UMAD1: variants seen among roughly 807,000 people sequenced by gnomAD.
UMAD1 encodes UBAP1-MVB12-associated (UMA)-domain containing protein 1.
Under a neutral mutation model 6.1 loss-of-function variants are expected in UMAD1, and 8 were observed. That is an observed-to-expected ratio of 1.30 (90% confidence interval 0.76 to 2.35). The LOEUF (loss-of-function observed/expected upper bound fraction) is 2.35. Ranked by LOEUF, UMAD1 falls within the 30% of genes most tolerant of loss-of-function variation. UMAD1 has a pLI of 0.00. For missense variants in UMAD1, 130 were observed against 78.4 expected, an observed-to-expected ratio of 1.66 and a Z score of -2.49; for synonymous variants, 56 against 31.4, an observed-to-expected ratio of 1.78 and a Z score of -2.61.
intron 1 of UMAD1, among the ~76,000 whole-genome samples, chr7:7,661,230 A>G (rs1785467131): frequency 6.6e-6 from 1 of 151,888 alleles, no homozygotes; most frequent in African/African-American, 2.4e-5. Flanking sequence ...TTTTTTTCCA[A>G]GGTTCTTAGC....
At chr7:7,741,802 T>G (rs1022729711) in intron 2 of UMAD1, among the ~76,000 whole-genome samples, 2 of 152,044 alleles carry the variant, frequency 1.3e-5, no homozygotes, top group Non-Finnish European at 2.9e-5. Flanking sequence ...CCTGCATTTC[T>G]TCATCCTTGT....
At chr7:7,851,515 C>T (rs1783916743) in intron 3 of UMAD1, among the ~76,000 whole-genome samples, 1 of 152,136 alleles carries the variant, frequency 6.6e-6, no homozygotes. Context: ...TTTGCACTCC[C>T]ACCAGAAGTG....
chr7:7,846,011 A>G (rs1160566882), intron 3 of UMAD1, among the ~76,000 whole-genome samples: 2 of 152,120 alleles, frequency 1.3e-5, no homozygotes, highest in Non-Finnish European at 2.9e-5. Flanking sequence ...AGAACAGTCT[A>G]TCTTTGAGTG....
chr7:7,800,120 T>C (rs1028535676), intron 2 of UMAD1, among the ~76,000 whole-genome samples: 2 of 152,248 alleles, frequency 1.3e-5, no homozygotes, highest in African/African-American at 4.8e-5. Flanking sequence ...TGACCTCAAG[T>C]GATCCACCCA....
rs58039932 is a variant in UMAD1 at position 7,777,574 on chromosome 7, A to AATATATATATATATATAT, written c.83-24085_83-24068dup. Among the ~76,000 whole-genome samples the AATATATATATATATATAT allele has an allele frequency of 4.4e-3, 495 of 113,442 alleles. 5 individuals are homozygous for AATATATATATATATATAT. Among genetic ancestry groups the AATATATATATATATATAT allele is most frequent in the African/African-American group, 8.3e-3 (211 of 25,360 alleles). 74.4% of individuals were successfully genotyped at this position (113,442 alleles called of 152,430 possible). On this transcript the variant is annotated intron_variant, in intron 2 of 3. Transcript: ENST00000682710. Reference sequence around the variant, plus strand: ...ATTTATGTCATTTCATACATGAGCAAATATATATATATATATATATATATA... The same window carrying AATATATATATATATATAT: ...ATTTATGTCATTTCATACATGAGCAAATATATATATATATATATATATATATATATATATATATATATA...
intron 1 of UMAD1, among the ~76,000 whole-genome samples, chr7:7,642,952 C>T (rs1172896957): frequency 6.6e-6 from 1 of 152,052 alleles, no homozygotes; most frequent in Non-Finnish European, 1.5e-5. Context: ...ACGTATGTAT[C>T]TTCTGACTTC....
intron 3 of UMAD1, among the ~76,000 whole-genome samples, chr7:7,870,645 T>C (rs926928079): frequency 6.6e-6 from 1 of 152,172 alleles, no homozygotes; most frequent in Non-Finnish European, 1.5e-5. Flanking sequence ...GACTTAGTGA[T>C]CAGGTTTATA....
intron 2 of UMAD1, among the ~76,000 whole-genome samples, chr7:7,778,275 T>TGTGTGTGTGAGAGA (rs1271237125): frequency 1.8e-5 from 2 of 110,594 alleles, no homozygotes; most frequent in African/African-American, 7.7e-5. Context: ...TGTGTGTGTG[T>TGTGTGTGTGAGAGA]GAGAGAGAGA....
intron 2 of UMAD1, chr7:7,676,311 G>T (rs530843420): frequency 1.5e-5 from 6 of 393,950 alleles, no homozygotes; most frequent in Non-Finnish European, 2.7e-5. Context: ...GTTAATGTGT[G>T]TAAAATGTTT....
intron 3 of UMAD1, among the ~76,000 whole-genome samples, chr7:7,829,157 C>T (rs967796698): frequency 2.6e-5 from 4 of 152,082 alleles, no homozygotes; most frequent in South Asian, 2.1e-4. Context: ...TTGTATAGGG[C>T]GTCTAGCAAT....
chr7:7,860,685 G>T (rs1784099175), intron 3 of UMAD1, among the ~76,000 whole-genome samples: 1 of 149,814 alleles, frequency 6.7e-6, no homozygotes, highest in Admixed American at 6.7e-5. Flanking sequence ...TGAGGCAGGA[G>T]AATGGCGCGA....
chr7:7,750,474 T>C (rs890559044), intron 2 of UMAD1, among the ~76,000 whole-genome samples: 2 of 152,182 alleles, frequency 1.3e-5, no homozygotes, highest in African/African-American at 4.8e-5. Flanking sequence ...TGGAAAATAA[T>C]AAAACTCCAC....
At chr7:7,826,007 T>C (rs1783333695) in intron 3 of UMAD1, among the ~76,000 whole-genome samples, 1 of 152,178 alleles carries the variant, frequency 6.6e-6, no homozygotes, top group Non-Finnish European at 1.5e-5. Flanking sequence ...GCTATATAAA[T>C]AGTTGTTATG....
At chr7:7,699,306 A>C (rs1049437872) in intron 2 of UMAD1, among the ~76,000 whole-genome samples, 1 of 152,140 alleles carries the variant, frequency 6.6e-6, no homozygotes, top group South Asian at 2.1e-4. Flanking sequence ...TCTTTATCCA[A>C]CTGATTTAAA....
chr7:7,765,639 G>C (rs1319578903), intron 2 of UMAD1, among the ~76,000 whole-genome samples: 2 of 152,140 alleles, frequency 1.3e-5, no homozygotes, highest in Non-Finnish European at 2.9e-5. Flanking sequence ...GGTTATGAAT[G>C]AGGTGTGGTC....
chr7:7,671,574 G>C (rs920822803), intron 1 of UMAD1, among the ~76,000 whole-genome samples: 1 of 152,162 alleles, frequency 6.6e-6, no homozygotes, highest in African/African-American at 2.4e-5. Flanking sequence ...AATTGTGTAA[G>C]TCGTTTAATT....
chr7:7,717,084 T>G (rs1179844461), intron 2 of UMAD1, among the ~76,000 whole-genome samples: 2 of 146,864 alleles, frequency 1.4e-5, no homozygotes, highest in African/African-American at 5.2e-5. Context: ...TGAGACGGAG[T>G]CTTGGTCTGT....
chr7:7,683,502 A>G (rs1262531557), intron 2 of UMAD1, among the ~76,000 whole-genome samples: 2 of 152,248 alleles, frequency 1.3e-5, no homozygotes, highest in Non-Finnish European at 2.9e-5. Flanking sequence ...GCCATAAACA[A>G]AAAGCAAATA....
intron 2 of UMAD1, among the ~76,000 whole-genome samples, chr7:7,768,403 G>A (rs115296801): frequency 0.025 from 3,846 of 152,140 alleles, 168 homozygotes; most frequent in African/African-American, 0.087. Context: ...ACTTCTTACT[G>A]GAGCAAGTAT....
Sources: gnomAD v4.1 joint callset for allele counts (sites outside exome capture counted in the v4.1 genomes callset) on GRCh38, gnomAD v4.1.1 for gene constraint, MANE v1.5 for transcripts, NCBI Gene and HGNC (gene_info 2026-07-23, HGNC 2026-07-21) for gene names.